The following TULP4 variants were observed in gnomAD, a reference collection of about 807,000 sequenced individuals.
The protein encoded by TULP4 is TUB like protein 4.
Under a neutral mutation model 129.0 loss-of-function variants are expected in TULP4, and 16 were observed. The ratio of observed to expected loss-of-function variants is 0.12; its 90% confidence interval spans 0.08 to 0.19. The LOEUF (loss-of-function observed/expected upper bound fraction) is 0.19. Ranked by LOEUF, TULP4 falls within the 10% of genes least tolerant of loss-of-function variation. The pLI, the probability that TULP4 is intolerant of heterozygous loss-of-function variation, is 1.00. For missense variants in TULP4, 1,842 were observed against 2,059.1 expected (o/e 0.89, Z 2.04); for synonymous variants, 998 against 854.0 (o/e 1.17, Z -2.94).
chr6:158,313,207 C>CT lies in TULP4; in HGVS notation c.-809dup, dbSNP rs1779402759. ...AGTGAAGGGGCCTTCTTTCTAGCCT[C>CT]TATGGCACTGAGGGGTGCGCCGGCT... On this transcript the variant is annotated 5_prime_UTR_variant, in exon 1 of 14. Coordinates refer to ENST00000367097, the MANE Select transcript of TULP4 (RefSeq NM_020245.5). The CT allele has an allele frequency of 9.2e-6, 3 of 325,250 alleles. No homozygotes were observed. The highest frequency in any genetic ancestry group is 1.7e-5 in the Non-Finnish European group (3 of 181,192). 20.1% of individuals were successfully genotyped at this position (325,250 alleles called of 1,614,324 possible).
At chr6:158,377,956 TCA>T (rs1777230627) in intron 1 of TULP4, among the ~76,000 whole-genome samples, 1 of 152,118 alleles carries the variant, frequency 6.6e-6, no homozygotes, top group Non-Finnish European at 1.5e-5. Context: ...TCAGCTAGAC[TCA>T]GTTATGTGTC....
In TULP4 at chr6:158,470,121, G is replaced by A. The variant is rs188431570; in HGVS notation, c.1026+8392G>A. Among the ~76,000 whole-genome samples the A allele has an allele frequency of 1.5e-3, 227 of 152,334 alleles. 1 individual carries two copies. The highest frequency in any genetic ancestry group is 3.7e-3 in the Admixed American group (57 of 15,302). On this transcript the variant is annotated intron_variant, in intron 6 of 13. Coordinates refer to ENST00000367097, the MANE Select transcript of TULP4 (RefSeq NM_020245.5). The stretch of plus-strand genomic sequence containing the variant: ...TTAGGGTGAACACAGTCACTTAGCC[G>A]TGCAGGAACAATGGCAAGCCTTTAG...
At chr6:158,240,657 C>A (rs1278082214) in intron 1 of TULP4, among the ~76,000 whole-genome samples, 1 of 113,702 alleles carries the variant, frequency 8.8e-6, no homozygotes, top group Non-Finnish European at 2.0e-5. Flanking sequence ...GCTGACCCCC[C>A]CACCTCCCTC....
intron 8 of TULP4, among the ~76,000 whole-genome samples, chr6:158,486,742 G>A (rs890305371): frequency 4.6e-5 from 7 of 152,140 alleles, no homozygotes; most frequent in African/African-American, 1.4e-4. Context: ...TTTTGTTATC[G>A]TAGCCTGAGC....
At chr6:158,491,484 C>CTTTCT (rs1562589276) in intron 9 of TULP4, among the ~76,000 whole-genome samples, 16 of 33,454 alleles carry the variant, frequency 4.8e-4, no homozygotes, top group African/African-American at 2.6e-3. Flanking sequence ...TTCTTTCTTT[C>CTTTCT]TTTCTTTCTT....
intron 1 of TULP4, among the ~76,000 whole-genome samples, chr6:158,395,111 A>G (rs1777674807): frequency 6.6e-6 from 1 of 152,184 alleles, no homozygotes; most frequent in African/African-American, 2.4e-5. Flanking sequence ...CCAATTTGAC[A>G]TGAGATTTGG....
chr6:158,332,214 T>G (rs1395428673), intron 1 of TULP4, among the ~76,000 whole-genome samples: 1 of 123,588 alleles, frequency 8.1e-6, no homozygotes. Context: ...TATATATATA[T>G]ATATATATAT....
At chr6:158,341,222 C>G (rs1342597720) in intron 1 of TULP4, among the ~76,000 whole-genome samples, 4 of 152,162 alleles carry the variant, frequency 2.6e-5, no homozygotes, top group African/African-American at 9.7e-5. Flanking sequence ...TTTCATTTAA[C>G]ATAATGTCCT....
At chr6:158,430,258 G>A (rs146686629) in intron 3 of TULP4, among the ~76,000 whole-genome samples, 3 of 152,160 alleles carry the variant, frequency 2.0e-5, no homozygotes, top group African/African-American at 4.8e-5. Context: ...TTGCTACATC[G>A]TAAGACAACA....
At chr6:158,248,266 G>C (rs985361757) in intron 1 of TULP4, among the ~76,000 whole-genome samples, 3 of 151,624 alleles carry the variant, frequency 2.0e-5, no homozygotes, top group African/African-American at 7.3e-5. Context: ...ACATAGCCAG[G>C]CCTCGTCTTT....
At chr6:158,433,439 G>A (rs1457866089) in intron 3 of TULP4, among the ~76,000 whole-genome samples, 1 of 152,210 alleles carries the variant, frequency 6.6e-6, no homozygotes, top group Non-Finnish European at 1.5e-5. Flanking sequence ...AAGTTGCTAG[G>A]CGCAGTGGCT....
chr6:158,471,252 G>T (rs1779675491), intron 6 of TULP4, among the ~76,000 whole-genome samples: 1 of 152,218 alleles, frequency 6.6e-6, no homozygotes, highest in Non-Finnish European at 1.5e-5. Context: ...GGAAGATTCG[G>T]CAGGAGTGCC....
chr6:158,430,539 T>A (rs771715938), intron 3 of TULP4, among the ~76,000 whole-genome samples: 21 of 152,110 alleles, frequency 1.4e-4, no homozygotes, highest in Non-Finnish European at 2.9e-4. Context: ...GGTCAGGATT[T>A]CGAGACCAGC....
chr6:158,266,505 C>T (rs145047347), intron 1 of TULP4, among the ~76,000 whole-genome samples: 50 of 152,342 alleles, frequency 3.3e-4, no homozygotes, highest in Non-Finnish European at 6.5e-4. Flanking sequence ...ATCTGCCCAT[C>T]TTGGCCTCCC....
At chr6:158,473,472 C>T (rs941957420) in intron 6 of TULP4, among the ~76,000 whole-genome samples, 2 of 152,154 alleles carry the variant, frequency 1.3e-5, no homozygotes, top group African/African-American at 4.8e-5. Context: ...TTGTCTGTGG[C>T]TCCAACCAAC....
At chr6:158,274,670 G>A (rs1436933108) in intron 1 of TULP4, among the ~76,000 whole-genome samples, 2 of 152,144 alleles carry the variant, frequency 1.3e-5, no homozygotes, top group African/African-American at 4.8e-5. Flanking sequence ...CCAGCTACTC[G>A]GGAGGCTGAG....
chr6:158,283,026 C>A (rs1778783529), intron 1 of TULP4, among the ~76,000 whole-genome samples: 1 of 151,766 alleles, frequency 6.6e-6, no homozygotes, highest in South Asian at 2.1e-4. Context: ...GTAGTCCCAG[C>A]TACTCAGGAG....
At chr6:158,495,352 C>T (rs777824418) in intron 11 of TULP4, among the ~76,000 whole-genome samples, 8 of 152,134 alleles carry the variant, frequency 5.3e-5, no homozygotes, top group African/African-American at 1.4e-4. Context: ...CACGCCTGGT[C>T]GCCAGCGGGA....
At position 158,489,806 on chromosome 6, in the gene TULP4, G is replaced by A. The variant is rs1454660165; in HGVS notation, c.1631+74G>A. The A allele has an allele frequency of 4.5e-6, 7 of 1,568,488 alleles. No individual in the cohort carries two copies. In the East Asian group the frequency reaches 6.9e-5, roughly 15 times the overall value. Reference sequence around the variant, plus strand: ...GTGTGTTTGTGCCTGCAACAGAATCGCATTGAAACTGACCAGAAGAGTCAA... The same window carrying A: ...GTGTGTTTGTGCCTGCAACAGAATCACATTGAAACTGACCAGAAGAGTCAA... On this transcript the variant is annotated intron_variant, in intron 9 of 13. Coordinates refer to ENST00000367097, the MANE Select transcript of TULP4 (RefSeq NM_020245.5).
Sources: allele counts gnomAD v4.1 joint callset (sites outside exome capture counted in the v4.1 genomes callset), GRCh38; gene constraint gnomAD v4.1.1; transcripts MANE v1.5; gene names NCBI Gene and HGNC (gene_info 2026-07-23, HGNC 2026-07-21).